HS6ST3: variants seen among roughly 807,000 people sequenced by gnomAD.
HS6ST3 encodes heparan sulfate 6-O-sulfotransferase 3, also known as heparan-sulfate 6-O-sulfotransferase 3.
In HS6ST3, 12 loss-of-function variants were observed where a neutral mutation model predicts 36.7. That is an observed-to-expected ratio of 0.33 (90% CI 0.21 to 0.53). HS6ST3 has a LOEUF of 0.53. HS6ST3 is among the 20% of genes least tolerant of loss of function. The pLI, the probability that HS6ST3 is intolerant of heterozygous loss-of-function variation, is 0.95. For missense variants in HS6ST3, 584 were observed against 640.9 expected (o/e 0.91, Z 0.96); for synonymous variants, 240 against 257.5 (o/e 0.93, Z 0.65).
intron 1 of HS6ST3, among the ~76,000 whole-genome samples, chr13:96,765,681 A>G (rs2138503641): frequency 6.7e-6 from 1 of 149,664 alleles, no homozygotes; most frequent in South Asian, 2.1e-4. Flanking sequence ...TCTTATATTC[A>G]CCTTGTATGT....
intron 1 of HS6ST3, among the ~76,000 whole-genome samples, chr13:96,524,739 C>T (rs1377672928): frequency 6.6e-5 from 10 of 152,202 alleles, no homozygotes; most frequent in East Asian, 1.9e-4. Context: ...AGGAGTGTAC[C>T]GTTCCTCCAG....
chr13:96,138,875 T>C (rs2054015726), intron 1 of HS6ST3, among the ~76,000 whole-genome samples: 1 of 152,122 alleles, frequency 6.6e-6, no homozygotes. Context: ...GCCATTAACA[T>C]GTATAGAAAA....
intron 1 of HS6ST3, among the ~76,000 whole-genome samples, chr13:96,739,759 G>C (rs184540857): frequency 8.2e-4 from 125 of 152,246 alleles, no homozygotes; most frequent in African/African-American, 2.9e-3. Context: ...ATCCAGCGCA[G>C]CCCACCAGAA....
intron 1 of HS6ST3, among the ~76,000 whole-genome samples, chr13:96,774,558 G>T (rs1300245545): frequency 6.6e-6 from 1 of 152,064 alleles, no homozygotes; most frequent in Non-Finnish European, 1.5e-5. Context: ...TAACTGAATT[G>T]ATCAGGCAGA....
At chr13:96,502,833 A>C (rs1198994071) in intron 1 of HS6ST3, among the ~76,000 whole-genome samples, 1 of 152,196 alleles carries the variant, frequency 6.6e-6, no homozygotes, top group Admixed American at 6.5e-5. Context: ...TATATCTTGA[A>C]TACCAATGAG....
chr13:96,705,189 T>A (rs934718434), intron 1 of HS6ST3, among the ~76,000 whole-genome samples: 3 of 152,114 alleles, frequency 2.0e-5, no homozygotes, highest in Non-Finnish European at 4.4e-5. Context: ...ATTCTATGGG[T>A]TTGGACAAAT....
intron 1 of HS6ST3, among the ~76,000 whole-genome samples, chr13:96,755,955 C>T (rs188220758): frequency 2.0e-4 from 31 of 152,250 alleles, no homozygotes; most frequent in African/African-American, 6.5e-4. Context: ...CAACTGTGTG[C>T]GTACCATTTG....
rs141149415 is a variant in HS6ST3 at position 96,315,209 on chromosome 13, G to T, written c.707+223640G>T. The stretch of plus-strand genomic sequence containing the variant: ...AGATTAATTATTCTTGGTTGGTTCA[G>T]ACATATTTCTCTAAGATCTTGACAA... On this transcript the variant is annotated intron_variant, in intron 1 of 1. Transcript: ENST00000376705. Among the ~76,000 whole-genome samples the T allele has an allele frequency of 3.3e-3, 506 of 152,256 alleles. 4 individuals carry two copies. The highest frequency in any genetic ancestry group is 0.012 in the African/African-American group (485 of 41,570).
At position 96,713,977 on chromosome 13, in the gene HS6ST3, T is replaced by C. The variant is rs1594842968; in HGVS notation, c.708-118513T>C. ...TGTTCAATAAATGTTGCTGAGATAA[T>C]TGGTTATCCATAAGGTTAAAATAAG... On this transcript the variant is annotated intron_variant, in intron 1 of 1. Transcript: ENST00000376705. 2.6e-5 allele frequency among the ~76,000 whole-genome samples: 4 copies of C among 152,242 alleles called. No homozygotes were observed. The East Asian group carries it at 7.7e-4, about 29-fold the overall frequency.
chr13:96,622,565 A>G (rs930174739), intron 1 of HS6ST3, among the ~76,000 whole-genome samples: 8 of 152,026 alleles, frequency 5.3e-5, no homozygotes, highest in Non-Finnish European at 1.2e-4. Context: ...GTCAAGGAAT[A>G]GAAAGGGTTT....
chr13:96,164,849 AT>A (rs147755602), intron 1 of HS6ST3, among the ~76,000 whole-genome samples: 10 of 150,480 alleles, frequency 6.6e-5, no homozygotes, highest in South Asian at 4.2e-4. Context: ...AATGATACAG[AT>A]TTTTTTTTTA....
chr13:96,545,456 C>G (rs2056194329), intron 1 of HS6ST3, among the ~76,000 whole-genome samples: 1 of 152,150 alleles, frequency 6.6e-6, no homozygotes, highest in Non-Finnish European at 1.5e-5. Context: ...GAGTTTATCT[C>G]AAATTATACT....
chr13:96,374,731 A>G (rs1205695449), intron 1 of HS6ST3, among the ~76,000 whole-genome samples: 2 of 152,154 alleles, frequency 1.3e-5, no homozygotes, highest in Non-Finnish European at 2.9e-5. Context: ...TCAGAGAACA[A>G]GGAGTTCTGA....
intron 1 of HS6ST3, among the ~76,000 whole-genome samples, chr13:96,756,277 A>T (rs1876829989): frequency 6.6e-6 from 1 of 152,202 alleles, no homozygotes; most frequent in Non-Finnish European, 1.5e-5. Flanking sequence ...TGTCAAATAT[A>T]TGAATTGTGA....
chr13:96,512,096 T>C (rs2056052268), intron 1 of HS6ST3, among the ~76,000 whole-genome samples: 1 of 152,214 alleles, frequency 6.6e-6, no homozygotes, highest in African/African-American at 2.4e-5. Context: ...AGAGATTATT[T>C]CTTTCTCTTG....
intron 1 of HS6ST3, among the ~76,000 whole-genome samples, chr13:96,538,442 A>G (rs116846140): frequency 0.045 from 6,850 of 152,232 alleles, 212 homozygotes; most frequent in Middle Eastern, 0.082. Context: ...GAGCACATGA[A>G]AATTTATTTA....
intron 1 of HS6ST3, among the ~76,000 whole-genome samples, chr13:96,755,587 A>C (rs1876807448): frequency 6.6e-6 from 1 of 151,542 alleles, no homozygotes; most frequent in African/African-American, 2.4e-5. Flanking sequence ...CTGGTCTTGA[A>C]CTCCTGACCT....
chr13:96,477,567 A>G (rs34746336), intron 1 of HS6ST3, among the ~76,000 whole-genome samples: 8,055 of 152,088 alleles, frequency 0.053, 249 homozygotes, highest in Middle Eastern at 0.092. Flanking sequence ...TATATACCCA[A>G]AACAAAATAC....
intron 1 of HS6ST3, among the ~76,000 whole-genome samples, chr13:96,283,626 T>C (rs957277732): frequency 2.7e-4 from 41 of 152,348 alleles, no homozygotes; most frequent in African/African-American, 8.9e-4. Flanking sequence ...CCAAATAATA[T>C]ACCATTTAGT....
Sources: allele counts gnomAD v4.1 joint callset (sites outside exome capture counted in the v4.1 genomes callset), GRCh38; gene constraint gnomAD v4.1.1; transcripts MANE v1.5; gene names NCBI Gene and HGNC (gene_info 2026-07-23, HGNC 2026-07-21).